The following DST variants were observed in gnomAD, a reference collection of about 807,000 sequenced individuals.
DST encodes the protein dystonin.
A neutral mutation model predicts 875.2 loss-of-function variants in DST; 253 were observed. The ratio of observed to expected loss-of-function variants is 0.29; its 90% CI spans 0.26 to 0.32. The LOEUF is 0.32. DST is among the 10% of genes least tolerant of loss of function. The probability of loss-of-function intolerance (pLI) is 1.00; values close to 1 mark genes in which losing one functional copy is unlikely to be tolerated. For missense variants in DST, 8,287 were observed against 9,111.6 expected (o/e 0.91, Z 3.68); for synonymous variants, 3,124 against 3,197.1 (o/e 0.98, Z 0.77).
At chr6:56,835,784 A>C (rs749148282) in intron 4 of DST, among the ~76,000 whole-genome samples, 6 of 152,208 alleles carry the variant, frequency 3.9e-5, no homozygotes, top group Admixed American at 2.0e-4. Flanking sequence ...GGGCACTAGA[A>C]CAATAGTATG....
chr6:56,748,921 A>C (rs2099579817), intron 4 of DST, among the ~76,000 whole-genome samples: 1 of 152,222 alleles, frequency 6.6e-6, no homozygotes, highest in Non-Finnish European at 1.5e-5. Flanking sequence ...TTCCAGAAAA[A>C]GAAAAACCAA....
chr6:56,464,063 C>A, intron 100 of DST: 1 of 445,016 alleles, frequency 2.2e-6, no homozygotes, highest in Admixed American at 3.2e-5. Context: ...AAATGGAAAG[C>A]TCATGCTAAA....
chr6:56,709,335 G>A (rs2099353436), intron 5 of DST, among the ~76,000 whole-genome samples: 1 of 152,186 alleles, frequency 6.6e-6, no homozygotes, highest in Non-Finnish European at 1.5e-5. Context: ...TTTGGAGTGA[G>A]AACACATTAG....
intron 77 of DST, among the ~76,000 whole-genome samples, chr6:56,505,630 A>G (rs1036135119): frequency 6.6e-6 from 1 of 152,114 alleles, no homozygotes; most frequent in East Asian, 1.9e-4. Context: ...ATGGAATGGC[A>G]TAATAAAAAA....
intron 4 of DST, among the ~76,000 whole-genome samples, chr6:56,818,364 CAA>C (rs959738061): frequency 1.3e-5 from 2 of 152,046 alleles, no homozygotes. Context: ...GGAGGCTCAG[CAA>C]AGGAAACATG....
chr6:56,572,687 T>G, intron 52 of DST, 60 bp downstream of exon 52: 12 of 1,261,694 alleles, frequency 9.5e-6, no homozygotes, highest in South Asian at 1.7e-5. Flanking sequence ...ACTAAGTATA[T>G]GAGTTTGCCC....
At chr6:56,628,825 G>T (rs888876262) in intron 32 of DST, among the ~76,000 whole-genome samples, 4 of 152,072 alleles carry the variant, frequency 2.6e-5, no homozygotes, top group African/African-American at 9.7e-5. Context: ...TGACTTTCTT[G>T]TATCTTCAAT....
chr6:56,597,335 A>G (rs78171099), intron 47 of DST, among the ~76,000 whole-genome samples: 1 of 152,240 alleles, frequency 6.6e-6, no homozygotes, highest in African/African-American at 2.4e-5. Flanking sequence ...AGCCCTTTCT[A>G]GATATGTAAC....
chr6:56,504,797 G>A (rs576390762), intron 77 of DST, among the ~76,000 whole-genome samples: 96 of 152,198 alleles, frequency 6.3e-4, no homozygotes, highest in African/African-American at 2.0e-3. Context: ...CTGGGCTCAA[G>A]CAATCCTCCT....
intron 4 of DST, among the ~76,000 whole-genome samples, chr6:56,850,882 G>A (rs1379893668): frequency 2.0e-5 from 3 of 152,194 alleles, no homozygotes; most frequent in African/African-American, 7.2e-5. Flanking sequence ...AAGCTGCTAT[G>A]GATACAATGA....
At position 56,954,599 on chromosome 6, in the gene DST, G is replaced by A. The variant is rs1396859314; in HGVS notation, c.-12C>T. Reference sequence around the variant, plus strand: ...GCCGCGGCGATCATGGTGCGGGCGAGGCGAGGGCGACTCGACGGCGGGGCT... The same window carrying A: ...GCCGCGGCGATCATGGTGCGGGCGAAGCGAGGGCGACTCGACGGCGGGGCT... On this transcript the variant is annotated 5_prime_UTR_variant, in exon 1 of 104. Transcript: ENST00000680361. The A allele has an allele frequency of 3.7e-6, 5 of 1,335,446 alleles. No homozygotes were observed. The highest frequency in any genetic ancestry group is 2.0e-5 in the Admixed American group (1 of 49,082). 82.7% of individuals were successfully genotyped at this position (1,335,446 alleles called of 1,614,324 possible). A position where few individuals can be genotyped will look rare whatever the true frequency, so the allele number is the denominator to read the frequency against.
chr6:56,772,180 G>C (rs2099667810), intron 4 of DST, among the ~76,000 whole-genome samples: 1 of 152,134 alleles, frequency 6.6e-6, no homozygotes, highest in Non-Finnish European at 1.5e-5. Flanking sequence ...GGCTTCTTTA[G>C]CAGGCTTCGG....
rs759511660 is a variant in DST at position 56,636,554 on chromosome 6, T to A, written c.3060+3A>T. Reference sequence around the variant, plus strand: ...TATTGAAGTTATGATTCTACTCACATACCTCGAAATACGCTGTGTTCTCCT... The same window carrying A: ...TATTGAAGTTATGATTCTACTCACAAACCTCGAAATACGCTGTGTTCTCCT... On this transcript the variant is annotated splice_donor_region_variant and intron_variant, in intron 23 of 103. Transcript: ENST00000680361. The A allele has an allele frequency of 1.2e-6, 2 of 1,611,104 alleles. No individual in the cohort carries two copies. The highest frequency in any genetic ancestry group is 4.5e-5 in the East Asian group (2 of 44,860).
intron 4 of DST, among the ~76,000 whole-genome samples, chr6:56,839,379 A>G (rs1192560314): frequency 2.0e-5 from 3 of 152,164 alleles, no homozygotes; most frequent in Non-Finnish European, 4.4e-5. Context: ...CTTAACTAAC[A>G]CTCAGCAAAT....
At chr6:56,935,121 T>C (rs1454988247) in intron 2 of DST, among the ~76,000 whole-genome samples, 1 of 152,202 alleles carries the variant, frequency 6.6e-6, no homozygotes, top group Non-Finnish European at 1.5e-5. Context: ...CTTGAGTCCA[T>C]TATTAACTGA....
intron 98 of DST, chr6:56,467,205 T>G (rs2094618829): frequency 6.6e-6 from 1 of 152,174 alleles, no homozygotes; most frequent in Non-Finnish European, 1.5e-5. Flanking sequence ...GGCTTCTTTG[T>G]AAAGCAGGTA....
In DST at chr6:56,494,015, T is replaced by C; in HGVS notation, c.20389A>G (p.Arg6797Gly). Residue 6797 changes from arginine to glycine, a missense_variant, in exon 83 of 104, where the codon AGG (arginine) becomes GGG (glycine). Arg to Gly is a moderately radical substitution (Grantham distance 125, BLOSUM62 -2). Coordinates refer to ENST00000680361, the MANE Select transcript of DST (RefSeq NM_001374736.1). ...WESVETKLNE[R>G]KTKLEEALNL... The stretch of plus-strand genomic sequence containing the variant: ...ATATTAATCAAAGCACATACTTTCC[T>C]TTCATTGAGTTTGGTTTCCACCGAT... 3.8e-6 allele frequency: 6 copies of C among 1,587,542 alleles called. No homozygotes were observed. Among genetic ancestry groups the C allele is most frequent in the Non-Finnish European group, 5.1e-6 (6 of 1,165,088 alleles).
intron 39 of DST, 45 bp downstream of exon 39, chr6:56,610,382 A>G (rs2098534760): frequency 6.9e-7 from 1 of 1,450,936 alleles, no homozygotes; most frequent in Non-Finnish European, 9.2e-7. Context: ...ATGCAATCAA[A>G]CTAAGCTTCT....
intron 5 of DST, among the ~76,000 whole-genome samples, chr6:56,711,780 T>C (rs958143021): frequency 2.0e-5 from 3 of 152,114 alleles, no homozygotes; most frequent in Non-Finnish European, 2.9e-5. Context: ...ATAAATATTA[T>C]TGTGCAATCT....
Sources: allele counts gnomAD v4.1 joint callset (sites outside exome capture counted in the v4.1 genomes callset), GRCh38; gene constraint gnomAD v4.1.1; transcripts MANE v1.5; gene names NCBI Gene and HGNC (gene_info 2026-07-23, HGNC 2026-07-21).